The following POLN variants were observed in gnomAD, a reference collection of about 807,000 sequenced individuals.
The protein encoded by POLN is DNA polymerase nu.
In POLN, 108 loss-of-function variants were observed where a neutral mutation model predicts 113.5. That is an observed-to-expected ratio of 0.95 (90% confidence interval 0.81 to 1.12). POLN has a LOEUF of 1.12. Among genes scored for constraint, POLN ranks in the 50% most tolerant of loss-of-function variants. The pLI, the probability that POLN is intolerant of heterozygous loss-of-function variation, is 0.00. For missense variants in POLN, 1,097 were observed against 1,077.1 expected (o/e 1.02, Z -0.26); for synonymous variants, 386 against 391.5 (o/e 0.99, Z 0.17).
At chr4:2,203,924 A>G (rs1397766335) in intron 5 of POLN, among the ~76,000 whole-genome samples, 1 of 151,966 alleles carries the variant, frequency 6.6e-6, no homozygotes, top group Non-Finnish European at 1.5e-5. Context: ...AGTCTGACCA[A>G]TATGGTGAAA....
chr4:2,182,916 C>T (rs1733178779), intron 7 of POLN, among the ~76,000 whole-genome samples: 1 of 151,116 alleles, frequency 6.6e-6, no homozygotes, highest in Non-Finnish European at 1.5e-5. Flanking sequence ...GTATATCTGA[C>T]AATAAACTCA....
intron 3 of POLN, among the ~76,000 whole-genome samples, chr4:2,225,233 C>T (rs1174484395): frequency 6.6e-6 from 1 of 151,852 alleles, no homozygotes; most frequent in Non-Finnish European, 1.5e-5. Flanking sequence ...AACCTTGAAC[C>T]TTCTCACAAT....
intron 16 of POLN, among the ~76,000 whole-genome samples, chr4:2,144,145 T>C (rs1285014590): frequency 1.4e-5 from 2 of 144,572 alleles, no homozygotes; most frequent in African/African-American, 5.1e-5. Flanking sequence ...AATTTGTTCT[T>C]TTTTTTTTTT....
intron 19 of POLN, among the ~76,000 whole-genome samples, chr4:2,113,047 T>C (rs910676273): frequency 6.6e-6 from 1 of 151,988 alleles, no homozygotes; most frequent in African/African-American, 2.4e-5. Context: ...CATGGAATAC[T>C]ATGCAGCCGT....
chr4:2,239,053 G>A, intron 2 of POLN: 1 of 1,427,762 alleles, frequency 7.0e-7, no homozygotes, highest in Non-Finnish European at 9.3e-7. Context: ...CCTATACAAA[G>A]AAAAGCAATT....
At chr4:2,073,499 C>T (rs570583818) in intron 24 of POLN, among the ~76,000 whole-genome samples, 1 of 152,240 alleles carries the variant, frequency 6.6e-6, no homozygotes, top group Non-Finnish European at 1.5e-5. Flanking sequence ...CCCATCCCCA[C>T]TACTGCCCGG....
At chr4:2,079,738 C>T (rs553029746) in intron 23 of POLN, 23 of 727,078 alleles carry the variant, frequency 3.2e-5, no homozygotes, top group Admixed American at 6.3e-5. Flanking sequence ...GTGTGCGCCA[C>T]CACACCTGGC....
At chr4:2,214,160 C>T (rs920018428) in intron 3 of POLN, among the ~76,000 whole-genome samples, 1 of 151,972 alleles carries the variant, frequency 6.6e-6, no homozygotes, top group South Asian at 2.1e-4. Flanking sequence ...TGCTTGAACC[C>T]GGGAGGTGGA....
At chr4:2,130,153 G>A (rs1259783728) in intron 17 of POLN, among the ~76,000 whole-genome samples, 1 of 152,016 alleles carries the variant, frequency 6.6e-6, no homozygotes, top group African/African-American at 2.4e-5. Context: ...TACTAGGGAG[G>A]CTGAGGCAGG....
intron 25 of POLN, 34 bp from the exon 26 acceptor site, chr4:2,072,333 T>C: frequency 6.7e-7 from 1 of 1,482,820 alleles, no homozygotes; most frequent in Non-Finnish European, 8.9e-7. Context: ...GCCCCACGCC[T>C]GGGCCAGCCA....
chr4:2,211,022 A>G (rs191704002), intron 4 of POLN, among the ~76,000 whole-genome samples: 49 of 150,948 alleles, frequency 3.2e-4, no homozygotes, highest in African/African-American at 1.1e-3. Flanking sequence ...GGGCTGAGGC[A>G]GGCAGATCAC....
intron 22 of POLN, chr4:2,081,376 G>A (rs963256373): frequency 2.4e-5 from 15 of 629,426 alleles, no homozygotes; most frequent in Non-Finnish European, 3.8e-5. Flanking sequence ...CCACCACAGA[G>A]ATATGGGGAA....
At chr4:2,239,424 C>T (rs889650717) in intron 2 of POLN, among the ~76,000 whole-genome samples, 6 of 152,192 alleles carry the variant, frequency 3.9e-5, no homozygotes, top group South Asian at 2.1e-4. Flanking sequence ...AGCACTTCTA[C>T]GTAATTATTG....
intron 20 of POLN, chr4:2,089,302 G>T: frequency 7.2e-7 from 1 of 1,396,306 alleles, no homozygotes; most frequent in South Asian, 1.3e-5. Flanking sequence ...AAATGCCAAT[G>T]ACAACATAGA....
chr4:2,115,217 T>C (rs935894482), intron 19 of POLN, among the ~76,000 whole-genome samples: 2 of 80,060 alleles, frequency 2.5e-5, no homozygotes, highest in African/African-American at 1.0e-4. Context: ...GCTATATATA[T>C]ATATATATAT....
intron 20 of POLN, chr4:2,090,148 T>G (rs1427226484): frequency 2.2e-5 from 22 of 1,014,674 alleles, no homozygotes; most frequent in Non-Finnish European, 3.0e-5. Context: ...TTGAACATTA[T>G]CAGCTGAAAC....
rs773860182 is a variant in POLN at position 2,081,667 on chromosome 4, T to C, written c.2274A>G (p.Gln758=). The C allele has an allele frequency of 1.9e-6, 3 of 1,614,216 alleles. No homozygotes were observed. Among genetic ancestry groups the C allele is most frequent in the Non-Finnish European group, 2.5e-6 (3 of 1,180,038 alleles). ...CGAAGTTCACTGCCTGTCGCTCTGC[T>C]TGTGCCCGGAGTTGCTGGTCATGAG... The part of the protein sequence containing the change: ...IHAHDQQLRA[Q]AERQAVNFVV... The change falls in exon 22 of 26, where the codon CAA becomes CAG. Residue 758 remains glutamine, a synonymous_variant. Transcript: ENST00000511885.
rs763869141 is a variant in POLN, at chr4:2,131,282, T to C, written c.1740A>G (p.Gln580=). Residue 580 remains glutamine (Q), a synonymous_variant, in exon 17 of 26, where the codon CAA becomes CAG. Coordinates refer to ENST00000511885, the MANE Select transcript of POLN (RefSeq NM_181808.4). The part of the protein sequence containing the change: ...GRLSAKHPNI[Q]GISKHPIQIT... The stretch of plus-strand genomic sequence containing the variant: ...TCTGAATTGGGTGCTTGGAGATACC[T>C]TGGATATTCTGTTAATAATAAGAGA... 2.5e-6 allele frequency: 4 copies of C among 1,582,224 alleles called. No individual in the cohort carries two copies. Among genetic ancestry groups the C allele is most frequent in the Non-Finnish European group, 3.5e-6 (4 of 1,152,460 alleles).
intron 6 of POLN, 45 bp from the exon 7 acceptor site, chr4:2,193,361 A>AT: frequency 7.3e-7 from 1 of 1,378,726 alleles, no homozygotes; most frequent in Non-Finnish European, 1.0e-6. Context: ...TTAATTTGGG[A>AT]TTTTCGACCT....
Sources: allele counts gnomAD v4.1 joint callset (sites outside exome capture counted in the v4.1 genomes callset), GRCh38; gene constraint gnomAD v4.1.1; transcripts MANE v1.5; gene names NCBI Gene and HGNC (gene_info 2026-07-23, HGNC 2026-07-21).